The following DIO1 variants were observed in gnomAD, a reference collection of about 807,000 sequenced individuals.
The protein encoded by DIO1 is type I iodothyronine deiodinase.
In DIO1, 17 loss-of-function variants were observed where a neutral mutation model predicts 25.9. That is an observed-to-expected ratio of 0.66 (90% CI 0.45 to 0.98). The LOEUF (loss-of-function observed/expected upper bound fraction) is 0.98. Ranked by LOEUF, DIO1 falls within the 50% of genes least tolerant of loss-of-function variation. The pLI, the probability that DIO1 is intolerant of heterozygous loss-of-function variation, is 0.00. For synonymous variants in DIO1, 115 were observed against 114.0 expected, an observed-to-expected ratio of 1.01 and a Z score of -0.05; for missense variants, 270 against 310.4, an observed-to-expected ratio of 0.87 and a Z score of 0.98.
rs1400669091 is a variant in DIO1, at chr1:53,894,886, G to T, written c.337+339G>T. Among the ~76,000 whole-genome samples, 1 of 152,112 alleles carries T rather than the reference G, an allele frequency of 6.6e-6. No homozygotes were observed. Among genetic ancestry groups the T allele is most frequent in the Admixed American group, 6.6e-5 (1 of 15,264 alleles). On this transcript the variant is annotated intron_variant, in intron 1 of 3. Transcript: ENST00000361921. The surrounding 1 kb of genome is among the most constrained non-coding windows in gnomAD (Gnocchi z 4.9). ...AATCTTCAGACTGTTGCTCAATGAC[G>T]CTTCTTTCGAGAAGCCAAGCCCAAC...
intron 3 of DIO1, among the ~76,000 whole-genome samples, chr1:53,909,356 C>T (rs1345723906): frequency 6.6e-6 from 1 of 151,768 alleles, no homozygotes; most frequent in Admixed American, 6.6e-5. Context: ...GCAGAGGTTG[C>T]AGTGAATCAA....
intron 2 of DIO1, among the ~76,000 whole-genome samples, chr1:53,905,609 G>A (rs1190102012): frequency 3.3e-5 from 5 of 152,152 alleles, no homozygotes; most frequent in African/African-American, 1.2e-4. Flanking sequence ...GTCCATCCAC[G>A]CTGACGCCTA....
At position 53,894,611 on chromosome 1, in the gene DIO1, A is replaced by G. The variant is rs1440289746; in HGVS notation, c.337+64A>G. The G allele has an allele frequency of 7.0e-7, 1 of 1,433,808 alleles. No individual in the cohort carries two copies. Among genetic ancestry groups the G allele is most frequent in the African/African-American group, 1.4e-5 (1 of 70,822 alleles). 88.8% of individuals were successfully genotyped at this position (1,433,808 alleles called of 1,614,324 possible). A position where few individuals can be genotyped will look rare whatever the true frequency, so the allele number is the denominator to read the frequency against. On this transcript the variant is annotated intron_variant, in intron 1 of 3. Transcript: ENST00000361921. The surrounding 1 kb of genome is among the most constrained non-coding windows in gnomAD (Gnocchi z 4.9). ...AGCAGTGGTAGAGGGGGATGAAGAGATGGGTTGGAAAGTCCTGAATTCTCC... is the reference window on the plus strand; with the variant it reads ...AGCAGTGGTAGAGGGGGATGAAGAGGTGGGTTGGAAAGTCCTGAATTCTCC...
rs141206471 is a variant in DIO1 at position 53,894,464 on chromosome 1, C to T, written c.254C>T (p.Thr85Met). The change falls in exon 1 of 4, where the codon ACG (threonine) becomes ATG (methionine). Residue 85 changes from threonine to methionine, a missense_variant. By Grantham distance (81) the Thr-to-Met change is moderately conservative. Transcript: ENST00000361921. This position sits in a 1 kb window ranked among gnomAD's most constrained non-coding sequence, Gnocchi z 4.9. ...LKVRWQRLEDTTELGGLAPNC... is the reference protein window; with the variant it reads ...LKVRWQRLEDMTELGGLAPNC... ...GTCCGTTGGCAGCGACTAGAGGACA[C>T]GACTGAGCTAGGGGGTCTGGCCCCA... The T allele has an allele frequency of 1.6e-4, 257 of 1,614,196 alleles. 4 individuals are homozygous for T. The Admixed American group carries it at 4.0e-3, about 25-fold the overall frequency.
chr1:53,894,694 G>C lies in DIO1; in HGVS notation c.337+147G>C. On this transcript the variant is annotated intron_variant, in intron 1 of 3. Coordinates refer to ENST00000361921, the MANE Select transcript of DIO1 (RefSeq NM_000792.7). This position sits in a 1 kb window ranked among gnomAD's most constrained non-coding sequence, Gnocchi z 4.9. ...GTCCTCTTCCTGCTTCCTGAAACTA[G>C]AACTTCTTGTGGATTGTTTCTCTAA... 1.4e-6 allele frequency: 1 copy of C among 738,158 alleles called. No homozygotes were observed. Among genetic ancestry groups the C allele is most frequent in the South Asian group, 1.9e-5 (1 of 52,462 alleles). The allele number at this position is 738,158 out of a possible 1,614,324, so 45.7% of individuals were successfully genotyped here.
chr1:53,894,623 G>A lies in DIO1; in HGVS notation c.337+76G>A. On this transcript the variant is annotated intron_variant, in intron 1 of 3. Transcript: ENST00000361921. The surrounding 1 kb of genome is among the most constrained non-coding windows in gnomAD (Gnocchi z 4.9). ...GGGGGATGAAGAGATGGGTTGGAAA[G>A]TCCTGAATTCTCCTACTACTTTTGC... The A allele has an allele frequency of 1.5e-6, 2 of 1,365,918 alleles. No individual in the cohort carries two copies. The highest frequency in any genetic ancestry group is 2.0e-6 in the Non-Finnish European group (2 of 1,007,490). 84.6% of individuals were successfully genotyped at this position (1,365,918 alleles called of 1,614,324 possible).
At position 53,894,671 on chromosome 1, in the gene DIO1, C is replaced by T. The variant is rs1338886134; in HGVS notation, c.337+124C>T. On this transcript the variant is annotated intron_variant, in intron 1 of 3. Coordinates refer to ENST00000361921, the MANE Select transcript of DIO1 (RefSeq NM_000792.7). The surrounding 1 kb of genome is among the most constrained non-coding windows in gnomAD (Gnocchi z 4.9). ...TGCTGCTCCTTTTGGACCTTCTTGT[C>T]CTCTTCCTGCTTCCTGAAACTAGAA... The T allele has an allele frequency of 3.5e-6, 3 of 856,166 alleles. No homozygotes were observed. The highest frequency in any genetic ancestry group is 1.7e-5 in the African/African-American group (1 of 58,760). The allele number at this position is 856,166 out of a possible 1,614,324, so 53.0% of individuals were successfully genotyped here.
intron 1 of DIO1, among the ~76,000 whole-genome samples, chr1:53,896,210 CTTTTTTTT>C (rs199555423): frequency 2.6e-4 from 27 of 103,566 alleles, no homozygotes; most frequent in South Asian, 3.5e-4. Context: ...TTCTTTTTCT[CTTTTTTTT>C]TTTTTTTTTT....
chr1:53,894,335 T>G lies in DIO1; in HGVS notation c.125T>G (p.Leu42Arg). 1.9e-6 allele frequency: 3 copies of G among 1,614,232 alleles called. No homozygotes were observed. The highest frequency in any genetic ancestry group is 2.5e-6 in the Non-Finnish European group (3 of 1,180,040). ...LFPDRVKRNI[L>R]AMGEKTGMTR... ...CCAGACAGAGTCAAGCGGAACATCCTGGCCATGGGCGAGAAGACGGGTATG... is the reference window on the plus strand; with the variant it reads ...CCAGACAGAGTCAAGCGGAACATCCGGGCCATGGGCGAGAAGACGGGTATG... The change falls in exon 1 of 4, where the codon CTG (leucine) becomes CGG (arginine). Residue 42 changes from leucine to arginine, a missense_variant. Transcript: ENST00000361921. This position sits in a 1 kb window ranked among gnomAD's most constrained non-coding sequence, Gnocchi z 4.9.
chr1:53,894,283 G>T lies in DIO1; in HGVS notation c.73G>T (p.Val25Leu). Residue 25 changes from valine to leucine, a missense_variant, in exon 1 of 4, where the codon GTG becomes TTG. Transcript: ENST00000361921. This position sits in a 1 kb window ranked among gnomAD's most constrained non-coding sequence, Gnocchi z 4.9. ...CTTGGAGGTGGCTGTGCATGTGGTC[G>T]TGGGTAAAGTGCTTCTGATATTGTT... ...VLLEVAVHVVVGKVLLILFPD... is the reference protein window; with the variant it reads ...VLLEVAVHVVLGKVLLILFPD... 6.2e-7 allele frequency: 1 copy of T among 1,614,254 alleles called. No homozygotes were observed. Among genetic ancestry groups the T allele is most frequent in the East Asian group, 2.2e-5 (1 of 44,888 alleles).
chr1:53,905,314 C>T (rs1215178267), intron 2 of DIO1, among the ~76,000 whole-genome samples: 2 of 151,130 alleles, frequency 1.3e-5, no homozygotes, highest in Non-Finnish European at 2.9e-5. Flanking sequence ...AGCTGTACTG[C>T]AGGCATACGC....
At chr1:53,903,915 C>G (rs1322441354) in intron 1 of DIO1, among the ~76,000 whole-genome samples, 3 of 151,858 alleles carry the variant, frequency 2.0e-5, no homozygotes, top group Non-Finnish European at 1.5e-5. Flanking sequence ...GAACAAGGAA[C>G]CCTGCATTTT....
chr1:53,902,908 C>A (rs1356496617), intron 1 of DIO1: 1 of 151,660 alleles, frequency 6.6e-6, no homozygotes, highest in Non-Finnish European at 1.5e-5. Context: ...ATAATTTTAT[C>A]TTTGAATCTG....
At chr1:53,899,125 C>T (rs569416085) in intron 1 of DIO1, among the ~76,000 whole-genome samples, 1 of 152,272 alleles carries the variant, frequency 6.6e-6, no homozygotes, top group East Asian at 1.9e-4. Context: ...ACACACAGAA[C>T]AAAACATCGA....
At chr1:53,898,898 G>A (rs1420384890) in intron 1 of DIO1, among the ~76,000 whole-genome samples, 6 of 152,110 alleles carry the variant, frequency 3.9e-5, no homozygotes, top group Admixed American at 6.6e-5. Context: ...TAAAGCAACC[G>A]CTTCGTTTTT....
At chr1:53,898,232 G>C (rs774204725) in intron 1 of DIO1, among the ~76,000 whole-genome samples, 3 of 152,062 alleles carry the variant, frequency 2.0e-5, no homozygotes, top group Non-Finnish European at 4.4e-5. Context: ...CACAGAGGAG[G>C]AGCAGCAGAG....
chr1:53,903,378 A>G (rs916644714), intron 1 of DIO1: 2 of 152,186 alleles, frequency 1.3e-5, no homozygotes, highest in African/African-American at 4.9e-5. Flanking sequence ...GGGGCATGGC[A>G]TGTTGGTCTG....
intron 1 of DIO1, among the ~76,000 whole-genome samples, chr1:53,901,566 G>C (rs991648755): frequency 1.3e-5 from 2 of 152,172 alleles, no homozygotes; most frequent in African/African-American, 4.8e-5. Context: ...GGTATAATTA[G>C]CCCAGCTGGG....
chr1:53,904,797 G>A lies in DIO1; in HGVS notation c.469G>A (p.Ala157Thr). 3 of 1,611,880 alleles carry A rather than the reference G, an allele frequency of 1.9e-6. No individual in the cohort carries two copies. The highest frequency in any genetic ancestry group is 1.1e-5 in the South Asian group (1 of 90,498). ...ADFLVIYIEE[A>T]HASDGWAFKN... is the part of the protein sequence containing the mutation. ...TTTTCTTGTCATTTACATTGAAGAA[G>A]CACATGCATCAGGTACAGAAAGATT... The change falls in exon 2 of 4, where the codon GCA becomes ACA. Residue 157 changes from alanine (A) to threonine (T), a missense_variant. By Grantham distance (58) the Ala-to-Thr change is moderately conservative (BLOSUM62 0). Transcript: ENST00000361921.
Sources: allele counts gnomAD v4.1 joint callset (sites outside exome capture counted in the v4.1 genomes callset), GRCh38; gene constraint gnomAD v4.1.1; non-coding constraint Gnocchi (gnomAD v3.1); transcripts MANE v1.5; gene names NCBI Gene and HGNC (gene_info 2026-07-23, HGNC 2026-07-21).